The following AK5 variants were observed in gnomAD, a reference collection of about 807,000 sequenced individuals.
The protein encoded by AK5 is adenylate kinase 5.
A neutral mutation model predicts 69.5 loss-of-function variants in AK5; 27 were observed. The observed-to-expected ratio is 0.39, with a 90% CI of 0.29 to 0.54. The LOEUF (loss-of-function observed/expected upper bound fraction) is 0.54, where lower values mean the gene tolerates loss of function less well. Among genes scored for constraint, AK5 ranks in the 20% least tolerant of loss-of-function variants. The probability of loss-of-function intolerance (pLI) is 0.71; values close to 1 mark genes in which losing one functional copy is unlikely to be tolerated. For synonymous variants in AK5, 260 were observed against 244.4 expected (o/e 1.06, Z -0.60); for missense variants, 531 against 700.4 (o/e 0.76, Z 2.73).
At chr1:77,510,910 T>A (rs1465272582) in intron 10 of AK5, among the ~76,000 whole-genome samples, 1 of 151,194 alleles carries the variant, frequency 6.6e-6, no homozygotes, top group Non-Finnish European at 1.5e-5. Flanking sequence ...TATCTGTACA[T>A]ACATATGCTT....
At chr1:77,356,834 G>T (rs4949653) in intron 6 of AK5, among the ~76,000 whole-genome samples, 1 of 152,058 alleles carries the variant, frequency 6.6e-6, no homozygotes, top group Non-Finnish European at 1.5e-5. Flanking sequence ...TAATCCAGTG[G>T]TATTTTTAAA....
At position 77,286,928 on chromosome 1, in the gene AK5, T is replaced by G. The variant is rs1380624198; in HGVS notation, c.61-13T>G. 7.3e-7 allele frequency: 1 copy of G among 1,376,774 alleles called. No individual in the cohort carries two copies. The allele number at this position is 1,376,774 out of a possible 1,614,324, so 85.3% of individuals were successfully genotyped here. ...AAAGATATTTTATTTGTACATATTT[T>G]GTTATATTTCAGAGCCTTTTGAATG... On this transcript the variant is annotated splice_polypyrimidine_tract_variant and intron_variant, in intron 1 of 13. Transcript: ENST00000354567.
chr1:77,509,430 G>A (rs1657214656), intron 10 of AK5, among the ~76,000 whole-genome samples: 1 of 152,190 alleles, frequency 6.6e-6, no homozygotes, highest in East Asian at 1.9e-4. Context: ...GCTTGGCACA[G>A]TGATGCAGCT....
chr1:77,394,946 T>C (rs561292596), intron 6 of AK5, among the ~76,000 whole-genome samples: 2 of 151,944 alleles, frequency 1.3e-5, no homozygotes, highest in East Asian at 3.9e-4. Context: ...AGACACAGGA[T>C]CTAAGAATAC....
chr1:77,480,111 T>A lies in AK5; in HGVS notation c.1060-3206T>A, dbSNP rs1420788123. On this transcript the variant is annotated intron_variant, in intron 8 of 13. Transcript: ENST00000354567. Reference sequence around the variant, plus strand: ...CACCAAAACCAGAAGTGTTTCCCATTCACCCCGAGTGTGTGTGTGTGTGTG... The same window carrying A: ...CACCAAAACCAGAAGTGTTTCCCATACACCCCGAGTGTGTGTGTGTGTGTG... Among the ~76,000 whole-genome samples, 4 of 128,878 alleles carry A rather than the reference T, an allele frequency of 3.1e-5. No individual in the cohort carries two copies. The East Asian group carries it at 7.3e-4, about 24-fold the overall frequency. The allele number at this position is 128,878 out of a possible 152,430, so 84.5% of individuals were successfully genotyped here. A position where few individuals can be genotyped will look rare whatever the true frequency, so the allele number is the denominator to read the frequency against.
At chr1:77,499,926 G>C (rs942958525) in intron 10 of AK5, among the ~76,000 whole-genome samples, 4 of 123,248 alleles carry the variant, frequency 3.2e-5, no homozygotes, top group African/African-American at 1.3e-4. Flanking sequence ...GCACCTATCA[G>C]GATGCCTGGC....
intron 13 of AK5, among the ~76,000 whole-genome samples, chr1:77,551,666 G>A (rs1396249933): frequency 6.6e-6 from 1 of 152,116 alleles, no homozygotes; most frequent in Non-Finnish European, 1.5e-5. Context: ...TTGAGGTGCT[G>A]CGTGCTGAGT....
intron 8 of AK5, among the ~76,000 whole-genome samples, chr1:77,456,429 T>C (rs1653486176): frequency 6.6e-6 from 1 of 152,272 alleles, no homozygotes; most frequent in African/African-American, 2.4e-5. Context: ...CAGCCTGTTC[T>C]GGTGTTACAC....
chr1:77,414,598 G>C (rs1302054808), intron 7 of AK5, among the ~76,000 whole-genome samples: 3 of 152,168 alleles, frequency 2.0e-5, no homozygotes, highest in Admixed American at 2.0e-4. Flanking sequence ...TCTAAAACTA[G>C]CAGCACTGGG....
At chr1:77,403,591 A>C (rs1649398929) in intron 6 of AK5, among the ~76,000 whole-genome samples, 2 of 152,248 alleles carry the variant, frequency 1.3e-5, no homozygotes, top group Non-Finnish European at 2.9e-5. Context: ...AGGTTTGTCA[A>C]AGATCAGATA....
intron 6 of AK5, among the ~76,000 whole-genome samples, chr1:77,388,710 G>A (rs1229490772): frequency 6.6e-5 from 10 of 150,840 alleles, no homozygotes; most frequent in Non-Finnish European, 1.5e-4. Context: ...AAACTATTAT[G>A]CTCTACTGAA....
intron 10 of AK5, among the ~76,000 whole-genome samples, chr1:77,517,426 C>T (rs914664619): frequency 6.6e-6 from 1 of 152,216 alleles, no homozygotes; most frequent in Non-Finnish European, 1.5e-5. Context: ...AAATCCTAGG[C>T]TTGCTACTCA....
intron 6 of AK5, among the ~76,000 whole-genome samples, chr1:77,352,123 T>G (rs991742806): frequency 6.6e-6 from 1 of 152,074 alleles, no homozygotes; most frequent in African/African-American, 2.4e-5. Flanking sequence ...AGAGACTGGG[T>G]TTCACCATGT....
At chr1:77,469,046 C>T (rs199502524) in intron 8 of AK5, among the ~76,000 whole-genome samples, 2 of 152,334 alleles carry the variant, frequency 1.3e-5, no homozygotes, top group East Asian at 3.9e-4. Flanking sequence ...GTAAGAAGTG[C>T]TGCATATGCA....
intron 6 of AK5, among the ~76,000 whole-genome samples, chr1:77,368,245 A>ATATATATATATATATGTGTTATATATAT (rs376578923): frequency 1.5e-5 from 1 of 67,906 alleles, no homozygotes; most frequent in Non-Finnish European, 2.9e-5. Context: ...ATATATATAT[A>ATATATATATATATATGTGTTATATATAT]TATATATAAT....
At chr1:77,332,610 T>C (rs985940706) in intron 5 of AK5, among the ~76,000 whole-genome samples, 77 of 145,002 alleles carry the variant, frequency 5.3e-4, no homozygotes, top group Middle Eastern at 3.5e-3. Context: ...TTTGATTATT[T>C]ATTTATTTAT....
intron 8 of AK5, among the ~76,000 whole-genome samples, chr1:77,434,721 A>G (rs1191188538): frequency 6.6e-6 from 1 of 152,182 alleles, no homozygotes; most frequent in Non-Finnish European, 1.5e-5. Context: ...AAAAGGGGGA[A>G]AGAAAGAAAA....
At chr1:77,512,759 C>T (rs1475146936) in intron 10 of AK5, among the ~76,000 whole-genome samples, 3 of 152,108 alleles carry the variant, frequency 2.0e-5, no homozygotes, top group Non-Finnish European at 4.4e-5. Context: ...GACTTGGAAC[C>T]AAGCCAAATG....
intron 13 of AK5, among the ~76,000 whole-genome samples, chr1:77,543,671 C>A (rs1659392815): frequency 6.6e-6 from 1 of 152,028 alleles, no homozygotes; most frequent in Non-Finnish European, 1.5e-5. Flanking sequence ...TAGCTGGGAC[C>A]ATAGACATGA....
Sources: allele counts gnomAD v4.1 joint callset (sites outside exome capture counted in the v4.1 genomes callset), GRCh38; gene constraint gnomAD v4.1.1; transcripts MANE v1.5; gene names NCBI Gene and HGNC (gene_info 2026-07-23, HGNC 2026-07-21).